Variants in SMIM7 observed in about 807,000 individuals in gnomAD.
SMIM7 encodes the protein small integral membrane protein 7.
In SMIM7, 12 loss-of-function variants were observed where a neutral mutation model predicts 13.3. That is an observed-to-expected ratio of 0.90 (90% CI 0.58 to 1.46). The LOEUF (loss-of-function observed/expected upper bound fraction) is 1.46, where lower values mean the gene tolerates loss of function less well. SMIM7 is among the 40% of genes most tolerant of loss of function. The probability of loss-of-function intolerance (pLI) is 0.00; values close to 1 mark genes in which losing one functional copy is unlikely to be tolerated. For missense variants in SMIM7, 114 were observed against 94.8 expected (o/e 1.20, Z -0.84); for synonymous variants, 36 against 35.8 (o/e 1.01, Z -0.02).
chr19:16,655,757 G>A (rs915661371), intron 3 of SMIM7, among the ~76,000 whole-genome samples: 1 of 149,846 alleles, frequency 6.7e-6, no homozygotes, highest in African/African-American at 2.5e-5. Flanking sequence ...AGTATCTGCA[G>A]ACTGGGGCTG....
chr19:16,650,957 T>C (rs556666454), intron 4 of SMIM7, among the ~76,000 whole-genome samples: 14 of 152,350 alleles, frequency 9.2e-5, no homozygotes, highest in African/African-American at 3.4e-4. Context: ...TCCGGCCTTC[T>C]TCACTTTCAG....
intron 3 of SMIM7, among the ~76,000 whole-genome samples, chr19:16,658,503 G>A (rs970644150): frequency 1.3e-5 from 2 of 152,190 alleles, no homozygotes; most frequent in African/African-American, 4.8e-5. Context: ...GCTGGGATGA[G>A]GCAGAGTCTA....
Position 16,660,098 on chromosome 19 carries a change from T to C in SMIM7, c.13A>G (p.Ile5Val), listed in dbSNP as rs1293188061. The C allele has an allele frequency of 3.7e-6, 6 of 1,614,064 alleles. No individual in the cohort carries two copies. Among genetic ancestry groups the C allele is most frequent in the Admixed American group, 3.3e-5 (2 of 60,004 alleles). Residue 5 changes from isoleucine (I) to valine (V), a missense_variant, in exon 1 of 5, where the codon ATC becomes GTC. Coordinates refer to ENST00000487416, the MANE Select transcript of SMIM7 (RefSeq NM_024104.4). The stretch of plus-strand genomic sequence containing the variant: ...CCCCCTAATTACCCGAACAGCAGGA[T>C]GTCTCCGATCATCGTTACGGCCGAA... MIGD[I>V]LLFGTLLMNA... is the part of the protein sequence containing the mutation.
At chr19:16,643,054 G>A (rs1167763357), downstream of SMIM7, among the ~76,000 whole-genome samples, 3 of 151,674 alleles carry the variant, frequency 2.0e-5, no homozygotes, top group African/African-American at 4.8e-5. Context: ...CACCCGCCTC[G>A]GCCTCCCAAA....
chr19:16,653,939 T>G, intron 4 of SMIM7, 96 bp downstream of exon 4: 1 of 917,804 alleles, frequency 1.1e-6, no homozygotes, highest in Non-Finnish European at 1.7e-6. Flanking sequence ...GATACAAGAG[T>G]GATGACTGAA....
intron 3 of SMIM7, among the ~76,000 whole-genome samples, chr19:16,655,615 A>C (rs544408607): frequency 7.1e-6 from 1 of 141,388 alleles, no homozygotes; most frequent in African/African-American, 2.7e-5. Flanking sequence ...TGGGAGGCAG[A>C]GATTGCAGTG....
intron 4 of SMIM7, 116 bp from the exon 5 acceptor site, chr19:16,647,377 T>C: frequency 7.8e-7 from 1 of 1,276,814 alleles, no homozygotes; most frequent in Non-Finnish European, 1.1e-6. Flanking sequence ...TTTACATGAT[T>C]GTCTGATTTT....
At chr19:16,637,436 G>A (rs1259493554) in intron 4 of SMIM7, among the ~76,000 whole-genome samples, 1 of 152,160 alleles carries the variant, frequency 6.6e-6, no homozygotes, top group Non-Finnish European at 1.5e-5. Context: ...GCCTGGGGGA[G>A]GTTGAGGCTA....
intron 4 of SMIM7, among the ~76,000 whole-genome samples, chr19:16,639,719 T>G (rs990700900): frequency 6.6e-6 from 1 of 152,160 alleles, no homozygotes; most frequent in Non-Finnish European, 1.5e-5. Flanking sequence ...GGTTCCCCCA[T>G]GCTATTCTAG....
chr19:16,632,190 C>A (rs1394886978), intron 4 of SMIM7, among the ~76,000 whole-genome samples: 1 of 151,992 alleles, frequency 6.6e-6, no homozygotes, highest in Non-Finnish European at 1.5e-5. Context: ...TTTTAAAACC[C>A]TTTCTCATAT....
intron 4 of SMIM7, chr19:16,639,886 A>C (rs1199597400): frequency 6.6e-6 from 1 of 152,028 alleles, no homozygotes; most frequent in African/African-American, 2.4e-5. Context: ...AGCCGTGCAT[A>C]ACTGTGAGTC....
At chr19:16,649,087 T>G (rs111442269) in intron 4 of SMIM7, among the ~76,000 whole-genome samples, 3,211 of 151,938 alleles carry the variant, frequency 0.021, 70 homozygotes, top group Non-Finnish European at 0.028. Flanking sequence ...GGTAACAGAG[T>G]TGGCAAGGAT....
At chr19:16,655,346 T>C (rs977087104) in intron 3 of SMIM7, 2 of 455,896 alleles carry the variant, frequency 4.4e-6, no homozygotes, top group African/African-American at 4.0e-5. Context: ...GGGTTTCCAG[T>C]CAATCACTCT....
chr19:16,653,750 C>T (rs2122539498), intron 4 of SMIM7: 2 of 410,018 alleles, frequency 4.9e-6, no homozygotes, highest in Non-Finnish European at 8.7e-6. Context: ...AAAAAATCAG[C>T]CGTGTGTGGT....
chr19:16,653,751 CGT>C (rs1223020251), intron 4 of SMIM7: 4 of 412,694 alleles, frequency 9.7e-6, no homozygotes, highest in East Asian at 4.4e-5. Flanking sequence ...AAAAATCAGC[CGT>C]GTGTGGTGGC....
intron 2 of SMIM7, 170 bp downstream of exon 2, chr19:16,659,789 G>T: frequency 2.4e-6 from 2 of 847,462 alleles, no homozygotes; most frequent in Admixed American, 2.2e-5. Flanking sequence ...AGGTCTCTCG[G>T]GGGGTGGGGG....
chr19:16,659,869 G>T, intron 2 of SMIM7, 90 bp downstream of exon 2: 1 of 1,508,538 alleles, frequency 6.6e-7, no homozygotes, highest in African/African-American at 1.4e-5. Context: ...GCTTGGGGGC[G>T]GGGCCTGAGA....
At chr19:16,657,414 G>A (rs1285157465) in intron 3 of SMIM7, among the ~76,000 whole-genome samples, 6 of 152,232 alleles carry the variant, frequency 3.9e-5, no homozygotes, top group South Asian at 2.1e-4. Context: ...TGCCTTCCAC[G>A]TGGGGGTTAA....
At chr19:16,631,172 G>C (rs1422840465) in exon 5 of SMIM7, 2 of 152,156 alleles carry the variant, frequency 1.3e-5, no homozygotes, top group African/African-American at 4.8e-5. Flanking sequence ...ATCATTTGAG[G>C]TAAGGAGTTA....
Sources: gnomAD v4.1 joint callset for allele counts (sites outside exome capture counted in the v4.1 genomes callset) on GRCh38, gnomAD v4.1.1 for gene constraint, MANE v1.5 for transcripts, NCBI Gene and HGNC (gene_info 2026-07-23, HGNC 2026-07-21) for gene names.